Variants in RAB15 observed in about 807,000 individuals in gnomAD.
The protein encoded by RAB15 is ras-related protein Rab-15.
Under a neutral mutation model 31.8 loss-of-function variants are expected in RAB15, and 13 were observed. The ratio of observed to expected loss-of-function variants is 0.41; its 90% CI spans 0.27 to 0.65. The LOEUF is 0.65. Among genes scored for constraint, RAB15 ranks in the 30% least tolerant of loss-of-function variants. RAB15 has a pLI of 0.32. For synonymous variants in RAB15, 100 were observed against 105.6 expected (o/e 0.95, Z 0.33); for missense variants, 220 against 277.3 (o/e 0.79, Z 1.47).
At chr14:64,956,921 T>C (rs1886604995) in intron 1 of RAB15, among the ~76,000 whole-genome samples, 1 of 147,618 alleles carries the variant, frequency 6.8e-6, no homozygotes, top group South Asian at 2.1e-4. Flanking sequence ...AAGTCTCAAC[T>C]TCTCCTAGCT....
Position 64,954,099 on chromosome 14 carries a change from G to A in RAB15, c.125-1528C>T, listed in dbSNP as rs1285382770. On this transcript the variant is annotated intron_variant, in intron 1 of 6. Coordinates refer to ENST00000533601, the MANE Select transcript of RAB15 (RefSeq NM_001308154.2). The surrounding 1 kb of genome is among the most constrained non-coding windows in gnomAD (Gnocchi z 4.3). The stretch of plus-strand genomic sequence containing the variant: ...TTACAAGGGAAAAAAGATGCAGAAC[G>A]GGCAACCTGAACTAAATCGATTTGG... 10 of 985,422 alleles carry A rather than the reference G, an allele frequency of 1.0e-5. No homozygotes were observed. In the Admixed American group the frequency reaches 2.5e-4, roughly 24 times the overall value. The allele number at this position is 985,422 out of a possible 1,614,324, so 61.0% of individuals were successfully genotyped here.
At chr14:64,963,098 C>A (rs1027232918) in intron 1 of RAB15, among the ~76,000 whole-genome samples, 1 of 148,152 alleles carries the variant, frequency 6.7e-6, no homozygotes, top group African/African-American at 2.5e-5. Flanking sequence ...GATCAGTGTT[C>A]CCCTTCCCCA....
intron 1 of RAB15, among the ~76,000 whole-genome samples, chr14:64,960,127 G>T (rs74764517): frequency 0.037 from 5,597 of 152,308 alleles, 264 homozygotes; most frequent in African/African-American, 0.11. Flanking sequence ...GAGCCCGAGG[G>T]TGCTGGGACA....
In RAB15 at chr14:64,962,914, G is replaced by A. The variant is rs577925114; in HGVS notation, c.124+9039C>T. ...ATAGCACTTACACTTGTCTGGAGGC[G>A]TGAACCTGAAGAATACACCAAGAAA... On this transcript the variant is annotated intron_variant, in intron 1 of 6. Transcript: ENST00000533601. The surrounding 1 kb of genome is among the most constrained non-coding windows in gnomAD (Gnocchi z 4.2). Among the ~76,000 whole-genome samples the A allele has an allele frequency of 5.9e-5, 9 of 152,122 alleles. No homozygotes were observed. The highest frequency in any genetic ancestry group is 4.1e-4 in the South Asian group (2 of 4,824).
In RAB15 at chr14:64,954,545, C is replaced by T. The variant is rs779999216; in HGVS notation, c.125-1974G>A. 7 of 985,040 alleles carry T rather than the reference C, an allele frequency of 7.1e-6. No homozygotes were observed. Among genetic ancestry groups the T allele is most frequent in the Non-Finnish European group, 8.4e-6 (7 of 829,550 alleles). 61.0% of individuals were successfully genotyped at this position (985,040 alleles called of 1,614,324 possible). ...GAGAGAAGGTTTTATTTCCTTTATC[C>T]CACAAACATTTATGGGAACTTCCTA... On this transcript the variant is annotated intron_variant, in intron 1 of 6. Transcript: ENST00000533601. The surrounding 1 kb of genome is among the most constrained non-coding windows in gnomAD (Gnocchi z 4.3).
At chr14:64,964,936 G>A (rs1887052639) in intron 1 of RAB15, among the ~76,000 whole-genome samples, 1 of 150,558 alleles carries the variant, frequency 6.6e-6, no homozygotes, top group Admixed American at 6.6e-5. Flanking sequence ...CATGGTCACA[G>A]AGTTCTCAGT....
At chr14:64,967,128 A>T (rs1887180645) in intron 1 of RAB15, among the ~76,000 whole-genome samples, 1 of 152,060 alleles carries the variant, frequency 6.6e-6, no homozygotes. Context: ...TAGCAGCAGC[A>T]ACCCAGCCTG....
In RAB15 at chr14:64,970,896, G is replaced by T. The variant is rs1254548204; in HGVS notation, c.124+1057C>A. Among the ~76,000 whole-genome samples, 1 of 152,170 alleles carries T rather than the reference G, an allele frequency of 6.6e-6. No individual in the cohort carries two copies. The highest frequency in any genetic ancestry group is 1.5e-5 in the Non-Finnish European group (1 of 68,030). Reference sequence around the variant, plus strand: ...CTCAGCAAGGAATGTGTGTTGGGGGGAGGGGGGATGGTGTGGACATGAATC... The same window carrying T: ...CTCAGCAAGGAATGTGTGTTGGGGGTAGGGGGGATGGTGTGGACATGAATC... On this transcript the variant is annotated intron_variant, in intron 1 of 6. Coordinates refer to ENST00000533601, the MANE Select transcript of RAB15 (RefSeq NM_001308154.2). The surrounding 1 kb of genome is among the most constrained non-coding windows in gnomAD (Gnocchi z 4.1).
chr14:64,954,984 G>T lies in RAB15; in HGVS notation c.125-2413C>A, dbSNP rs1025699698. On this transcript the variant is annotated intron_variant, in intron 1 of 6. Coordinates refer to ENST00000533601, the MANE Select transcript of RAB15 (RefSeq NM_001308154.2). This position sits in a 1 kb window ranked among gnomAD's most constrained non-coding sequence, Gnocchi z 4.3. Reference sequence around the variant, plus strand: ...GACAAGGAGACAGGGTACTCCACCGGAAGTGAGGCTGGGCAGTGACTCCTT... The same window carrying T: ...GACAAGGAGACAGGGTACTCCACCGTAAGTGAGGCTGGGCAGTGACTCCTT... Among the ~76,000 whole-genome samples the T allele has an allele frequency of 5.3e-5, 8 of 152,220 alleles. No individual in the cohort carries two copies. The highest frequency in any genetic ancestry group is 1.9e-4 in the African/African-American group (8 of 41,542).
rs777766940 is a variant in RAB15 at position 64,950,361 on chromosome 14, C to T, written c.378G>A (p.Glu126=). 1 of 1,614,186 alleles carries T rather than the reference C, an allele frequency of 6.2e-7. No homozygotes were observed. The highest frequency in any genetic ancestry group is 8.5e-7 in the Non-Finnish European group (1 of 1,180,008). Residue 126 remains glutamate, a synonymous_variant, in exon 5 of 7, where the codon GAG becomes GAA. Transcript: ENST00000533601. The surrounding 1 kb of genome is among the most constrained non-coding windows in gnomAD (Gnocchi z 5.6). The part of the protein sequence containing the change: ...KILIGNKADE[E]QKRQVGREQG... ...GCTCTCTTCCCACCTGCCGTTTCTG[C>T]TCCTCATCAGCCTTATTCCCAATAA...
intron 5 of RAB15, among the ~76,000 whole-genome samples, chr14:64,949,274 G>A (rs753481914): frequency 1.3e-5 from 2 of 152,216 alleles, no homozygotes; most frequent in Non-Finnish European, 2.9e-5. Flanking sequence ...ATCCTAGTAG[G>A]CTTTGCCTCT....
In RAB15 at chr14:64,972,041, C is replaced by A. The variant is rs1887457037; in HGVS notation, c.36G>T (p.Leu12=). Residue 12 remains leucine (L), a synonymous_variant, in exon 1 of 7, where the codon CTG becomes CTT. Coordinates refer to ENST00000533601, the MANE Select transcript of RAB15 (RefSeq NM_001308154.2). The surrounding 1 kb of genome is among the most constrained non-coding windows in gnomAD (Gnocchi z 6.3). ...AKQYDVLFRL[L]LIGDSGVGKT... The stretch of plus-strand genomic sequence containing the variant: ...TGCCCACCCCGGAGTCCCCGATCAG[C>A]AGCAGCCGGAACAGCACATCGTACT... 1.2e-6 allele frequency: 2 copies of A among 1,611,006 alleles called. No homozygotes were observed. Among genetic ancestry groups the A allele is most frequent in the East Asian group, 4.5e-5 (2 of 44,772 alleles).
Position 64,952,470 on chromosome 14 carries a change from C to T in RAB15, c.185+41G>A, listed in dbSNP as rs929222663. ...GGGCAGCTAAGGAGCAGCCAGAAGT[C>T]CTCTTCTCCTACATCTGCCTCCTCC... On this transcript the variant is annotated intron_variant, in intron 2 of 6. Coordinates refer to ENST00000533601, the MANE Select transcript of RAB15 (RefSeq NM_001308154.2). The surrounding 1 kb of genome is among the most constrained non-coding windows in gnomAD (Gnocchi z 4.2). 1 of 1,515,424 alleles carries T rather than the reference C, an allele frequency of 6.6e-7. No individual in the cohort carries two copies. The highest frequency in any genetic ancestry group is 9.2e-7 in the Non-Finnish European group (1 of 1,092,228). The allele number at this position is 1,515,424 out of a possible 1,614,324, so 93.9% of individuals were successfully genotyped here.
intron 1 of RAB15, among the ~76,000 whole-genome samples, chr14:64,959,662 G>C (rs193031992): frequency 1.3e-5 from 2 of 151,784 alleles, no homozygotes; most frequent in Non-Finnish European, 2.9e-5. Context: ...CCAGGAGTTC[G>C]AGACCAGACT....
chr14:64,954,684 G>T lies in RAB15; in HGVS notation c.125-2113C>A. ...CTCAGAGAGGTCAATGGCTAGCCAG[G>T]GTCAGCACAGCACGTGCAGAGATTC... On this transcript the variant is annotated intron_variant, in intron 1 of 6. Coordinates refer to ENST00000533601, the MANE Select transcript of RAB15 (RefSeq NM_001308154.2). The surrounding 1 kb of genome is among the most constrained non-coding windows in gnomAD (Gnocchi z 4.3). 4.3e-6 allele frequency: 1 copy of T among 230,802 alleles called. No individual in the cohort carries two copies. Among genetic ancestry groups the T allele is most frequent in the Non-Finnish European group, 7.2e-6 (1 of 139,804 alleles). The allele number at this position is 230,802 out of a possible 1,614,324, so 14.3% of individuals were successfully genotyped here.
chr14:64,955,460 G>T lies in RAB15; in HGVS notation c.125-2889C>A, dbSNP rs1354304171. On this transcript the variant is annotated intron_variant, in intron 1 of 6. Coordinates refer to ENST00000533601, the MANE Select transcript of RAB15 (RefSeq NM_001308154.2). The surrounding 1 kb of genome is among the most constrained non-coding windows in gnomAD (Gnocchi z 4.4). The stretch of plus-strand genomic sequence containing the variant: ...CCACTGCTGAGCACTGCAGGACAAA[G>T]TCAACACACTGGCCTTATTGAGGCC... Among the ~76,000 whole-genome samples the T allele has an allele frequency of 6.6e-6, 1 of 152,222 alleles. No homozygotes were observed. The highest frequency in any genetic ancestry group is 2.4e-5 in the African/African-American group (1 of 41,470).
chr14:64,954,367 C>CA lies in RAB15; in HGVS notation c.125-1797dup. The CA allele has an allele frequency of 1.0e-6, 1 of 985,332 alleles. No individual in the cohort carries two copies. Among genetic ancestry groups the CA allele is most frequent in the Non-Finnish European group, 1.2e-6 (1 of 829,874 alleles). The allele number at this position is 985,332 out of a possible 1,614,324, so 61.0% of individuals were successfully genotyped here. A position where few individuals can be genotyped will look rare whatever the true frequency, so the allele number is the denominator to read the frequency against. ...CCCAGTACCTGGCATAGAAGGGAAT[C>CA]AAGACATTCTTGTTTCATGATACAG... is the stretch of plus-strand genomic sequence containing the variant. On this transcript the variant is annotated intron_variant, in intron 1 of 6. Transcript: ENST00000533601. This position sits in a 1 kb window ranked among gnomAD's most constrained non-coding sequence, Gnocchi z 4.3.
chr14:64,949,778 C>G (rs1021913991), intron 5 of RAB15, among the ~76,000 whole-genome samples: 1 of 151,628 alleles, frequency 6.6e-6, no homozygotes, highest in African/African-American at 2.4e-5. Flanking sequence ...TTTCTTTCTG[C>G]TCTCTGGGAG....
In RAB15 at chr14:64,950,474, TAC is replaced by T; in HGVS notation, c.325-62_325-61del. The T allele has an allele frequency of 7.1e-7, 1 of 1,400,350 alleles. No homozygotes were observed. 86.7% of individuals were successfully genotyped at this position (1,400,350 alleles called of 1,614,324 possible). The stretch of plus-strand genomic sequence containing the variant: ...TGCTGCCTGCCCCCCCAATTTTCCC[TAC>T]AGAGTCTGCACTGCCTCCAGCCCAC... On this transcript the variant is annotated intron_variant, in intron 4 of 6. Transcript: ENST00000533601. This position sits in a 1 kb window ranked among gnomAD's most constrained non-coding sequence, Gnocchi z 5.6.
Sources: gnomAD v4.1 joint callset for allele counts (sites outside exome capture counted in the v4.1 genomes callset) on GRCh38, gnomAD v4.1.1 for gene constraint, Gnocchi (gnomAD v3.1) non-coding constraint, MANE v1.5 for transcripts, NCBI Gene and HGNC (gene_info 2026-07-23, HGNC 2026-07-21) for gene names.